The following PACRG variants were observed in gnomAD, a reference collection of about 807,000 sequenced individuals.
The protein encoded by PACRG is parkin coregulated gene protein.
In PACRG, 29 loss-of-function variants were observed where a neutral mutation model predicts 29.7. The observed-to-expected ratio is 0.98, with a 90% confidence interval of 0.73 to 1.33. The LOEUF is 1.33. Ranked by LOEUF, PACRG falls within the 40% of genes most tolerant of loss-of-function variation. The pLI, the probability that PACRG is intolerant of heterozygous loss-of-function variation, is 0.00. For synonymous variants in PACRG, 116 were observed against 118.7 expected (o/e 0.98, Z 0.15); for missense variants, 279 against 316.2 (o/e 0.88, Z 0.89).
intron 2 of PACRG, among the ~76,000 whole-genome samples, chr6:163,007,838 C>A (rs1268394031): frequency 6.6e-6 from 1 of 152,112 alleles, no homozygotes; most frequent in African/African-American, 2.4e-5. Flanking sequence ...CCCAGTCCAC[C>A]CAGCTAGAAC....
chr6:163,051,412 T>C (rs903333223), intron 2 of PACRG: 1 of 152,138 alleles, frequency 6.6e-6, no homozygotes, highest in Non-Finnish European at 1.5e-5. Context: ...CAAGTGTTCA[T>C]GTTTTTACAT....
chr6:163,075,094 A>C (rs1812422785), intron 3 of PACRG, among the ~76,000 whole-genome samples: 1 of 152,190 alleles, frequency 6.6e-6, no homozygotes. Context: ...CAGACATTGA[A>C]AATATCATGA....
chr6:162,785,816 G>C lies in PACRG; in HGVS notation c.157-28331G>C, dbSNP rs77582092. ...TGCTATGCGGCCCAGTTCCTAGCAGGCCACGGACCACTAGCGGTGAGCAGC... is the reference window on the plus strand; with the variant it reads ...TGCTATGCGGCCCAGTTCCTAGCAGCCCACGGACCACTAGCGGTGAGCAGC... On this transcript the variant is annotated intron_variant, in intron 1 of 4. Transcript: ENST00000366888. 6.9e-3 allele frequency among the ~76,000 whole-genome samples: 1,054 copies of C among 152,252 alleles called. 18 individuals are homozygous for C. Among genetic ancestry groups the C allele is most frequent in the African/African-American group, 0.024 (1,013 of 41,534 alleles).
At chr6:163,274,139 T>C (rs1006822837) in intron 4 of PACRG, among the ~76,000 whole-genome samples, 4 of 152,206 alleles carry the variant, frequency 2.6e-5, no homozygotes, top group Non-Finnish European at 5.9e-5. Flanking sequence ...CATTAACTCG[T>C]CATTTACATT....
chr6:162,745,541 T>TAAAATA (rs1311547061), intron 1 of PACRG, among the ~76,000 whole-genome samples: 5 of 152,220 alleles, frequency 3.3e-5, no homozygotes, highest in Admixed American at 6.5e-5. Flanking sequence ...CCTGGAACTT[T>TAAAATA]AAAATAAAAA....
chr6:162,914,924 G>A (rs933144240), intron 2 of PACRG, among the ~76,000 whole-genome samples: 2 of 151,944 alleles, frequency 1.3e-5, no homozygotes, highest in East Asian at 1.9e-4. Flanking sequence ...ATTTCTAGTT[G>A]TAATTCTATA....
At chr6:163,241,824 G>T (rs187303571) in intron 4 of PACRG, among the ~76,000 whole-genome samples, 25 of 152,168 alleles carry the variant, frequency 1.6e-4, no homozygotes, top group African/African-American at 2.2e-4. Context: ...AAACCCAAAG[G>T]GGGGGCACGG....
At chr6:163,225,139 G>A (rs755498534) in intron 4 of PACRG, among the ~76,000 whole-genome samples, 1 of 152,154 alleles carries the variant, frequency 6.6e-6, no homozygotes, top group Non-Finnish European at 1.5e-5. Context: ...TTAAAACCAT[G>A]ATGAGATATC....
intron 4 of PACRG, among the ~76,000 whole-genome samples, chr6:163,218,561 G>A (rs148057695): frequency 1.5e-4 from 23 of 152,078 alleles, no homozygotes; most frequent in African/African-American, 4.6e-4. Flanking sequence ...CCATTGAAAT[G>A]CCTCATGTCA....
chr6:163,158,287 T>C (rs7753980), intron 4 of PACRG, among the ~76,000 whole-genome samples: 11,183 of 152,240 alleles, frequency 0.073, 1,305 homozygotes, highest in African/African-American at 0.25. Flanking sequence ...TGGAGAATTA[T>C]AGTAAAAGCA....
intron 4 of PACRG, among the ~76,000 whole-genome samples, chr6:163,254,188 T>G (rs1783017146): frequency 6.6e-6 from 1 of 152,210 alleles, no homozygotes; most frequent in African/African-American, 2.4e-5. Context: ...ATGTAATATG[T>G]CTGATCTTAA....
intron 2 of PACRG, among the ~76,000 whole-genome samples, chr6:162,857,169 C>A (rs1183686540): frequency 1.3e-5 from 2 of 152,192 alleles, no homozygotes; most frequent in African/African-American, 2.4e-5. Flanking sequence ...CAAAGGCCCC[C>A]ATCTTGCTCC....
chr6:163,250,904 T>TAC (rs1301384488), intron 4 of PACRG, among the ~76,000 whole-genome samples: 9 of 150,448 alleles, frequency 6.0e-5, no homozygotes, highest in African/African-American at 2.2e-4. Flanking sequence ...TATATATATA[T>TAC]ATACACTATG....
At chr6:163,021,555 C>G (rs201356793) in intron 2 of PACRG, among the ~76,000 whole-genome samples, 1 of 152,164 alleles carries the variant, frequency 6.6e-6, no homozygotes, top group African/African-American at 2.4e-5. Context: ...TGGCTCCCAC[C>G]GCAACCTGAT....
intron 4 of PACRG, among the ~76,000 whole-genome samples, chr6:163,141,593 C>G (rs1817154003): frequency 6.7e-6 from 1 of 148,458 alleles, no homozygotes; most frequent in Admixed American, 6.7e-5. Context: ...TAAAACCATG[C>G]TAAAAGATTT....
intron 3 of PACRG, among the ~76,000 whole-genome samples, chr6:163,086,129 T>C (rs1215387488): frequency 1.3e-5 from 2 of 151,972 alleles, no homozygotes; most frequent in African/African-American, 2.4e-5. Flanking sequence ...GAATATCAAC[T>C]GCCCCCAATC....
intron 2 of PACRG, among the ~76,000 whole-genome samples, chr6:162,865,889 C>T (rs1183862705): frequency 6.6e-6 from 1 of 151,996 alleles, no homozygotes; most frequent in African/African-American, 2.4e-5. Flanking sequence ...AAGGTTAGTG[C>T]TAGGGTCAGT....
chr6:163,264,478 T>C lies in PACRG; in HGVS notation c.614-50349T>C, dbSNP rs186681473. ...AACAAGCCAGCAGCAGGGGACACTGTGTGCACTCAGCCCATGCAAACAGTA... is the reference window on the plus strand; with the variant it reads ...AACAAGCCAGCAGCAGGGGACACTGCGTGCACTCAGCCCATGCAAACAGTA... On this transcript the variant is annotated intron_variant, in intron 4 of 4. Transcript: ENST00000366888. Among the ~76,000 whole-genome samples, 768 of 152,296 alleles carry C rather than the reference T, an allele frequency of 5.0e-3. 8 individuals are homozygous for C. Among genetic ancestry groups the C allele is most frequent in the African/African-American group, 0.018 (746 of 41,564 alleles).
At chr6:163,188,238 T>C (rs900559542) in intron 4 of PACRG, among the ~76,000 whole-genome samples, 1 of 152,218 alleles carries the variant, frequency 6.6e-6, no homozygotes, top group African/African-American at 2.4e-5. Context: ...CAAGTCACTC[T>C]TTTCTTTGGC....
Sources: gnomAD v4.1 joint callset for allele counts (sites outside exome capture counted in the v4.1 genomes callset) on GRCh38, gnomAD v4.1.1 for gene constraint, MANE v1.5 for transcripts, NCBI Gene and HGNC (gene_info 2026-07-23, HGNC 2026-07-21) for gene names.